The following DLG1 variants were observed in gnomAD, a reference collection of about 807,000 sequenced individuals.
DLG1 encodes the protein disks large homolog 1.
DLG1 carries 42 observed loss-of-function variants against 123.4 expected under a neutral mutation model. That is an observed-to-expected ratio of 0.34 (90% CI 0.27 to 0.44). The LOEUF is 0.44. DLG1 is among the 20% of genes least tolerant of loss of function. The pLI is 1.00. For synonymous variants in DLG1, 317 were observed against 356.2 expected, an observed-to-expected ratio of 0.89 and a Z score of 1.24; for missense variants, 942 against 1,082.6, an observed-to-expected ratio of 0.87 and a Z score of 1.82.
chr3:197,179,479 AC>A (rs1159956657), intron 5 of DLG1, among the ~76,000 whole-genome samples: 4 of 152,212 alleles, frequency 2.6e-5, no homozygotes, highest in Non-Finnish European at 2.9e-5. Context: ...GCTTGTACTT[AC>A]AAATTAACTT....
At chr3:197,212,792 A>G (rs1048880754) in intron 4 of DLG1, among the ~76,000 whole-genome samples, 2 of 152,142 alleles carry the variant, frequency 1.3e-5, no homozygotes, top group Non-Finnish European at 2.9e-5. Context: ...TTTTTTTGTG[A>G]GAGACAGAAT....
intron 5 of DLG1, among the ~76,000 whole-genome samples, chr3:197,180,975 C>A (rs1200310817): frequency 1.3e-5 from 2 of 152,146 alleles, no homozygotes; most frequent in Non-Finnish European, 2.9e-5. Flanking sequence ...AGGTGTCTTG[C>A]AAAAGTTTAT....
chr3:197,149,596 T>G (rs1446672657), intron 6 of DLG1, 147 bp downstream of exon 6: 1 of 618,890 alleles, frequency 1.6e-6, no homozygotes, highest in Non-Finnish European at 2.9e-6. Context: ...CTTAATTTAC[T>G]ATAGCAATTA....
chr3:197,236,674 C>G (rs1288922043), intron 4 of DLG1, among the ~76,000 whole-genome samples: 4 of 152,126 alleles, frequency 2.6e-5, no homozygotes, highest in African/African-American at 9.7e-5. Context: ...CAGGGGAAAG[C>G]TACAGCTGCA....
chr3:197,130,679 A>C lies in DLG1; in HGVS notation c.1021-8T>G, dbSNP rs767498063. The C allele has an allele frequency of 2.7e-5, 43 of 1,582,426 alleles. No individual in the cohort carries two copies. Among genetic ancestry groups the C allele is most frequent in the Non-Finnish European group, 3.6e-5 (42 of 1,167,136 alleles). ...TAAACATACGTTATTCACCTAAAAA[A>C]AGTCCCAAAAGACATTTATGACATA... On this transcript the variant is annotated splice_polypyrimidine_tract_variant and splice_region_variant and intron_variant, in intron 10 of 24. Coordinates refer to ENST00000667157, the MANE Select transcript of DLG1 (RefSeq NM_001366207.1).
intron 11 of DLG1, among the ~76,000 whole-genome samples, chr3:197,119,852 C>T (rs913628025): frequency 6.6e-6 from 1 of 152,004 alleles, no homozygotes; most frequent in Non-Finnish European, 1.5e-5. Flanking sequence ...CCAATAAGTG[C>T]GAAAAGACTA....
chr3:197,255,875 G>A (rs964063785), intron 4 of DLG1, among the ~76,000 whole-genome samples: 1 of 152,072 alleles, frequency 6.6e-6, no homozygotes, highest in Non-Finnish European at 1.5e-5. Flanking sequence ...TCTTTCTATG[G>A]ATAGTGATTG....
intron 4 of DLG1, among the ~76,000 whole-genome samples, chr3:197,260,646 C>G (rs1340283704): frequency 6.9e-6 from 1 of 145,280 alleles, no homozygotes; most frequent in Non-Finnish European, 1.5e-5. Context: ...ATGAGGTTGA[C>G]AGGAAGTCAT....
intron 24 of DLG1, among the ~76,000 whole-genome samples, chr3:197,050,432 A>ATATATG (rs1271993997): frequency 6.6e-6 from 1 of 152,094 alleles, no homozygotes; most frequent in Non-Finnish European, 1.5e-5. Flanking sequence ...AAATATATAT[A>ATATATG]TATATGTATG....
At chr3:197,163,451 C>T (rs1030845020) in intron 5 of DLG1, among the ~76,000 whole-genome samples, 7 of 151,620 alleles carry the variant, frequency 4.6e-5, no homozygotes, top group African/African-American at 1.5e-4. Context: ...AGTCAAAAGG[C>T]GGAAAGAAAC....
chr3:197,143,675 A>G (rs893722466), intron 6 of DLG1, among the ~76,000 whole-genome samples: 2 of 152,166 alleles, frequency 1.3e-5, no homozygotes, highest in Non-Finnish European at 2.9e-5. Flanking sequence ...ACTGACCCCA[A>G]TGTACTACTT....
chr3:197,084,460 C>T (rs993820634), intron 16 of DLG1, among the ~76,000 whole-genome samples: 34 of 151,206 alleles, frequency 2.2e-4, no homozygotes, highest in East Asian at 1.4e-3. Flanking sequence ...TACAGGCGCC[C>T]GCCACCACAC....
chr3:197,134,599 G>A lies in DLG1; in HGVS notation c.1020+1943C>T, dbSNP rs147367069. 1.5e-3 allele frequency among the ~76,000 whole-genome samples: 222 copies of A among 152,118 alleles called. 3 individuals are homozygous for A. In the East Asian group the frequency reaches 0.036, roughly 25 times the overall value. On this transcript the variant is annotated intron_variant, in intron 10 of 24. Coordinates refer to ENST00000667157, the MANE Select transcript of DLG1 (RefSeq NM_001366207.1). ...TATGTGCCTTTTCAGATTCTGCTAG[G>A]CCTTGGCTGCTTGCTCAGTGGAGAG...
intron 4 of DLG1, among the ~76,000 whole-genome samples, chr3:197,232,143 A>C (rs1021391407): frequency 1.3e-5 from 2 of 152,158 alleles, no homozygotes; most frequent in African/African-American, 4.8e-5. Flanking sequence ...AGCACAAAAA[A>C]CAGCTATTTG....
At chr3:197,289,554 G>A (rs1373053245) in intron 3 of DLG1, among the ~76,000 whole-genome samples, 1 of 152,068 alleles carries the variant, frequency 6.6e-6, no homozygotes, top group Non-Finnish European at 1.5e-5. Flanking sequence ...GAAGAACACT[G>A]AAATATAACC....
chr3:197,284,062 T>C (rs1364581249), intron 3 of DLG1, among the ~76,000 whole-genome samples: 1 of 152,048 alleles, frequency 6.6e-6, no homozygotes, highest in East Asian at 1.9e-4. Context: ...GGTTTCACCA[T>C]GTTGGCCAGG....
At chr3:197,289,341 T>TACAC (rs56319334) in intron 3 of DLG1, among the ~76,000 whole-genome samples, 37,657 of 150,254 alleles carry the variant, frequency 0.25, 4,910 homozygotes, top group Middle Eastern at 0.35. Flanking sequence ...TACACGCGCA[T>TACAC]ACACACACAC....
intron 17 of DLG1, among the ~76,000 whole-genome samples, chr3:197,080,267 C>CTTTTTTTTTTT (rs767056279): frequency 1.3e-4 from 7 of 51,904 alleles, no homozygotes; most frequent in African/African-American, 5.8e-4. Context: ...GATATATTTC[C>CTTTTTTTTTTT]TTTTTTTTTT....
intron 4 of DLG1, among the ~76,000 whole-genome samples, chr3:197,254,104 G>A (rs1755750242): frequency 6.6e-6 from 1 of 152,174 alleles, no homozygotes; most frequent in Non-Finnish European, 1.5e-5. Context: ...ATAAGGAGTG[G>A]AGCCTTTAAT....
Sources: allele counts gnomAD v4.1 joint callset (sites outside exome capture counted in the v4.1 genomes callset), GRCh38; gene constraint gnomAD v4.1.1; transcripts MANE v1.5; gene names NCBI Gene and HGNC (gene_info 2026-07-23, HGNC 2026-07-21).